The following NOTCH2NLR variants were observed in gnomAD, a reference collection of about 807,000 sequenced individuals.
The protein encoded by NOTCH2NLR is notch 2 N-terminal like R (pseudogene).
Under a neutral mutation model 35.6 loss-of-function variants are expected in NOTCH2NLR, and 33 were observed. The observed-to-expected ratio is 0.93, with a 90% CI of 0.70 to 1.24. The LOEUF is 1.24. Ranked by LOEUF, NOTCH2NLR falls within the 50% of genes most tolerant of loss-of-function variation. The pLI is 0.00. For missense variants in NOTCH2NLR, 276 were observed against 362.2 expected, an observed-to-expected ratio of 0.76 and a Z score of 1.93; for synonymous variants, 103 against 141.0, an observed-to-expected ratio of 0.73 and a Z score of 1.91.
chr1:120,777,733 CT>C lies in NOTCH2NLR; in HGVS notation c.156-7234del, dbSNP rs1231073924. ...GAAGTAGTATGACAGAGCTTCTTCT[CT>C]TTTTTTCCCCTCTTTACCAGGAAGT... On this transcript the variant is annotated intron_variant, in intron 2 of 4. Transcript: ENST00000624419. 2.2e-5 allele frequency among the ~76,000 whole-genome samples: 2 copies of C among 89,792 alleles called. 1 individual carries two copies. The highest frequency in any genetic ancestry group is 6.9e-4 in the South Asian group (2 of 2,884). The allele number at this position is 89,792 out of a possible 152,430, so 58.9% of individuals were successfully genotyped here.
Position 120,724,347 on chromosome 1 carries a change from G to A in NOTCH2NLR, c.73+97G>A, listed in dbSNP as rs1650790922. The A allele has an allele frequency of 1.5e-6, 2 of 1,355,326 alleles. 1 individual carries two copies. The highest frequency in any genetic ancestry group is 1.9e-6 in the Non-Finnish European group (2 of 1,040,434). The allele number at this position is 1,355,326 out of a possible 1,614,324, so 84.0% of individuals were successfully genotyped here. On this transcript the variant is annotated intron_variant, in intron 1 of 4. Coordinates refer to ENST00000624419, the Ensembl canonical transcript of NOTCH2NLR. ...AGTCCTTCTCTGTGTGGGAAGGCCAGGCTCGGCCGCCGGCGCGGAGTGAGG... is the reference window on the plus strand; with the variant it reads ...AGTCCTTCTCTGTGTGGGAAGGCCAAGCTCGGCCGCCGGCGCGGAGTGAGG...
At chr1:120,728,762 C>T (rs1490785872) in intron 1 of NOTCH2NLR, among the ~76,000 whole-genome samples, 1 of 114,602 alleles carries the variant, frequency 8.7e-6, no homozygotes, top group South Asian at 2.5e-4. Context: ...TTGGATATTG[C>T]AAACTTGTAC....
At chr1:120,790,786 G>T (rs1273624338) in intron 3 of NOTCH2NLR, among the ~76,000 whole-genome samples, 4 of 106,946 alleles carry the variant, frequency 3.7e-5, no homozygotes, top group Non-Finnish European at 6.9e-5. Context: ...TTTTAGAAAA[G>T]ATGGCGTTTC....
rs1650784419 is a variant in NOTCH2NLR at position 120,724,045 on chromosome 1, A to G, written c.-133A>G. ...CACCTGGGCTTCGGAGCGTAGCGCC[A>G]GGGCCTGAGCCTTTGAAGCAGGAGG... On this transcript the variant is annotated 5_prime_UTR_variant, in exon 1 of 5. Coordinates refer to ENST00000624419, the Ensembl canonical transcript of NOTCH2NLR. 1.1e-5 allele frequency: 14 copies of G among 1,260,110 alleles called. 2 individuals are homozygous for G. The South Asian group carries it at 2.0e-4, about 18-fold the overall frequency. The allele number at this position is 1,260,110 out of a possible 1,614,324, so 78.1% of individuals were successfully genotyped here. A position where few individuals can be genotyped will look rare whatever the true frequency, so the allele number is the denominator to read the frequency against.
rs1379072761 is a variant in NOTCH2NLR, at chr1:120,747,661, T to C, written c.74-15967T>C. Among the ~76,000 whole-genome samples the C allele has an allele frequency of 1.0e-3, 30 of 29,112 alleles. 14 individuals are homozygous for C. Among genetic ancestry groups the C allele is most frequent in the African/African-American group, 3.3e-3 (8 of 2,392 alleles). 19.1% of individuals were successfully genotyped at this position (29,112 alleles called of 152,430 possible). A position where few individuals can be genotyped will look rare whatever the true frequency, so the allele number is the denominator to read the frequency against. ...TATTATATGTTTTTTAGCCCATAAA[T>C]ATGGAGATGTTTTAAAATTTCTTCC... On this transcript the variant is annotated intron_variant, in intron 1 of 4. Transcript: ENST00000624419.
intron 2 of NOTCH2NLR, among the ~76,000 whole-genome samples, chr1:120,776,051 A>T (rs1651304227): frequency 1.8e-5 from 2 of 112,218 alleles, no homozygotes. Flanking sequence ...GTGTATTTAT[A>T]GGGTCTTTTT....
exon 1 of NOTCH2NLR, chr1:120,724,153 G>A: frequency 7.3e-7 from 1 of 1,365,434 alleles, no homozygotes; most frequent in South Asian, 1.5e-5. Flanking sequence ...CGGCGGCGGA[G>A]GAGGAGGAGG....
chr1:120,793,412 G>A lies in NOTCH2NLR; in HGVS notation c.667G>A (p.Val223Met), dbSNP rs1287727917. 1.0e-5 allele frequency: 15 copies of A among 1,442,340 alleles called. 5 individuals are homozygous for A. The highest frequency in any genetic ancestry group is 9.3e-5 in the East Asian group (4 of 42,784). The allele number at this position is 1,442,340 out of a possible 1,614,324, so 89.3% of individuals were successfully genotyped here. ...AGGCCAGTACTGTGACAGACTGTAT[G>A]TGCCCTGTGCACACTCGCCTTGTGT... Residue 223 changes from valine (V) to methionine (M), a missense_variant, in exon 4 of 5, where the codon GTG becomes ATG. Physicochemically the swap from Val to Met is conservative, Grantham distance 21. Coordinates refer to ENST00000624419, the Ensembl canonical transcript of NOTCH2NLR.
Position 120,778,302 on chromosome 1 carries a change from T to C in NOTCH2NLR, c.156-6672T>C, listed in dbSNP as rs1436592089. Among the ~76,000 whole-genome samples the C allele has an allele frequency of 7.5e-5, 5 of 66,882 alleles. 1 individual carries two copies. Among genetic ancestry groups the C allele is most frequent in the Non-Finnish European group, 1.3e-4 (5 of 39,796 alleles). 43.9% of individuals were successfully genotyped at this position (66,882 alleles called of 152,430 possible). On this transcript the variant is annotated intron_variant, in intron 2 of 4. Transcript: ENST00000624419. ...AGCTAGGGCAGGCTGCCACTGCGGATTGGGGGGCCAAGAGGCCCAGCGCAA... is the reference window on the plus strand; with the variant it reads ...AGCTAGGGCAGGCTGCCACTGCGGACTGGGGGGCCAAGAGGCCCAGCGCAA...
At position 120,728,008 on chromosome 1, in the gene NOTCH2NLR, T is replaced by C. The variant is rs1457809571; in HGVS notation, c.73+3758T>C. Among the ~76,000 whole-genome samples the C allele has an allele frequency of 3.4e-5, 4 of 119,128 alleles. 1 individual carries two copies. The highest frequency in any genetic ancestry group is 1.4e-4 in the African/African-American group (3 of 21,002). 78.2% of individuals were successfully genotyped at this position (119,128 alleles called of 152,430 possible). A position where few individuals can be genotyped will look rare whatever the true frequency, so the allele number is the denominator to read the frequency against. ...GTCCTCCATTTTCTGATGTTCATTGTTCATGGTCACAGAGCCAATTAGAGT... is the reference window on the plus strand; with the variant it reads ...GTCCTCCATTTTCTGATGTTCATTGCTCATGGTCACAGAGCCAATTAGAGT... On this transcript the variant is annotated intron_variant, in intron 1 of 4. Coordinates refer to ENST00000624419, the Ensembl canonical transcript of NOTCH2NLR.
At position 120,784,929 on chromosome 1, in the gene NOTCH2NLR, A is replaced by G; in HGVS notation, c.156-45A>G. On this transcript the variant is annotated intron_variant, in intron 2 of 4. Transcript: ENST00000624419. ...TGTTTTACTGTAATTTTTTGGACTT[A>G]CAAGAAGTCAGGTGTTTTCATGGAC... 3.4e-6 allele frequency: 4 copies of G among 1,172,886 alleles called. 1 individual carries two copies. Among genetic ancestry groups the G allele is most frequent in the Non-Finnish European group, 4.7e-6 (4 of 845,626 alleles). The allele number at this position is 1,172,886 out of a possible 1,614,324, so 72.7% of individuals were successfully genotyped here.
At position 120,763,179 on chromosome 1, in the gene NOTCH2NLR, T is replaced by G. The variant is rs1651151647; in HGVS notation, c.74-449T>G. On this transcript the variant is annotated intron_variant, in intron 1 of 4. Coordinates refer to ENST00000624419, the Ensembl canonical transcript of NOTCH2NLR. ...TGTTATTGCTGTTTCTGATTACTTCTTGAAGCGGTCTGTTTTAAAACTTCA... is the reference window on the plus strand; with the variant it reads ...TGTTATTGCTGTTTCTGATTACTTCGTGAAGCGGTCTGTTTTAAAACTTCA... 8.3e-5 allele frequency among the ~76,000 whole-genome samples: 3 copies of G among 35,946 alleles called. 1 individual carries two copies. Among genetic ancestry groups the G allele is most frequent in the Non-Finnish European group, 1.4e-4 (3 of 20,866 alleles). 23.6% of individuals were successfully genotyped at this position (35,946 alleles called of 152,430 possible).
chr1:120,743,863 G>A (rs1650956488), intron 1 of NOTCH2NLR, among the ~76,000 whole-genome samples: 1 of 122,052 alleles, frequency 8.2e-6, no homozygotes, highest in Non-Finnish European at 1.7e-5. Context: ...GCTTTGTGCT[G>A]AATATTAGAG....
Position 120,759,116 on chromosome 1 carries a change from G to C in NOTCH2NLR, c.74-4512G>C, listed in dbSNP as rs1230944533. Among the ~76,000 whole-genome samples, 2 of 70,886 alleles carry C rather than the reference G, an allele frequency of 2.8e-5. 1 individual carries two copies. Among genetic ancestry groups the C allele is most frequent in the Non-Finnish European group, 4.7e-5 (2 of 42,286 alleles). 46.5% of individuals were successfully genotyped at this position (70,886 alleles called of 152,430 possible). ...TCAGGGCTTGTGCCTGCCGATAGTAGATGCTTTCTAAATATGTTCTGAATA... is the reference window on the plus strand; with the variant it reads ...TCAGGGCTTGTGCCTGCCGATAGTACATGCTTTCTAAATATGTTCTGAATA... On this transcript the variant is annotated intron_variant, in intron 1 of 4. Coordinates refer to ENST00000624419, the Ensembl canonical transcript of NOTCH2NLR.
chr1:120,793,578 T>C (rs1651520006), intron 4 of NOTCH2NLR, 82 bp downstream of exon 4: 1 of 1,065,518 alleles, frequency 9.4e-7, no homozygotes, highest in Non-Finnish European at 1.3e-6. Context: ...TTGCATTTTT[T>C]AGGAAGCGCA....
intron 1 of NOTCH2NLR, among the ~76,000 whole-genome samples, chr1:120,730,030 G>T (rs1650858879): frequency 2.0e-5 from 2 of 100,542 alleles, no homozygotes; most frequent in Non-Finnish European, 3.6e-5. Flanking sequence ...AAAGTTGTTT[G>T]TTTTGTCTTA....
rs1651401267 is a variant in NOTCH2NLR, at chr1:120,784,644, C to A, written c.156-330C>A. On this transcript the variant is annotated intron_variant, in intron 2 of 4. Coordinates refer to ENST00000624419, the Ensembl canonical transcript of NOTCH2NLR. ...CACACCCTCATCCCCAGTTCCATTC[C>A]ATTCCTTCCTGTTTAATTTTTTTTC... Among the ~76,000 whole-genome samples the A allele has an allele frequency of 1.7e-5, 2 of 118,302 alleles. 1 individual carries two copies. The highest frequency in any genetic ancestry group is 9.8e-5 in the African/African-American group (2 of 20,400). 77.6% of individuals were successfully genotyped at this position (118,302 alleles called of 152,430 possible). A position where few individuals can be genotyped will look rare whatever the true frequency, so the allele number is the denominator to read the frequency against.
rs1376676482 is a variant in NOTCH2NLR at position 120,783,551 on chromosome 1, T to C, written c.156-1423T>C. Among the ~76,000 whole-genome samples, 174 of 58,398 alleles carry C rather than the reference T, an allele frequency of 3.0e-3. 11 individuals are homozygous for C. The highest frequency in any genetic ancestry group is 0.026 in the Admixed American group (135 of 5,162). 38.3% of individuals were successfully genotyped at this position (58,398 alleles called of 152,430 possible). On this transcript the variant is annotated intron_variant, in intron 2 of 4. Transcript: ENST00000624419. ...AAGTTTCTTGGGAAGATGATCTCCT[T>C]TTACAAATGTTTAGTTTCAAATAGT... is the stretch of plus-strand genomic sequence containing the variant.
At position 120,724,733 on chromosome 1, in the gene NOTCH2NLR, G is replaced by C. The variant is rs1650799301; in HGVS notation, c.73+483G>C. Among the ~76,000 whole-genome samples, 11 of 122,228 alleles carry C rather than the reference G, an allele frequency of 9.0e-5. 1 individual carries two copies. 80.2% of individuals were successfully genotyped at this position (122,228 alleles called of 152,430 possible). ...GCCAGCCTCGCCTTTGCCAGGGGGC[G>C]GCACATGGGCCGGGTGTGTGGGCTT... is the stretch of plus-strand genomic sequence containing the variant. On this transcript the variant is annotated intron_variant, in intron 1 of 4. Transcript: ENST00000624419.
Sources: gnomAD v4.1 joint callset for allele counts (sites outside exome capture counted in the v4.1 genomes callset) on GRCh38, gnomAD v4.1.1 for gene constraint, MANE v1.5 for transcripts, NCBI Gene and HGNC (gene_info 2026-07-23, HGNC 2026-07-21) for gene names.